Variants in SOX5 observed in about 807,000 individuals in gnomAD.
SOX5 encodes transcription factor SOX-5.
Under a neutral mutation model 92.0 loss-of-function variants are expected in SOX5, and 9 were observed. The ratio of observed to expected loss-of-function variants is 0.10; its 90% confidence interval spans 0.06 to 0.17. SOX5 has a LOEUF of 0.17. Among genes scored for constraint, SOX5 ranks in the 10% least tolerant of loss-of-function variants. The pLI is 1.00. For missense variants in SOX5, 642 were observed against 944.5 expected (o/e 0.68, Z 4.20); for synonymous variants, 344 against 336.3 (o/e 1.02, Z -0.25).
intron 1 of SOX5, among the ~76,000 whole-genome samples, chr12:24,507,925 T>C (rs911508127): frequency 6.6e-6 from 1 of 152,144 alleles, no homozygotes; most frequent in Non-Finnish European, 1.5e-5. Flanking sequence ...TACCAAGTTA[T>C]ACAGGAGAGC....
At chr12:23,959,335 G>A (rs1946633575) in intron 4 of SOX5, among the ~76,000 whole-genome samples, 1 of 151,822 alleles carries the variant, frequency 6.6e-6, no homozygotes, top group African/African-American at 2.4e-5. Context: ...AGAATATAGA[G>A]AAAAAACCTA....
At chr12:23,674,636 C>A (rs1346597901) in intron 6 of SOX5, among the ~76,000 whole-genome samples, 1 of 151,658 alleles carries the variant, frequency 6.6e-6, no homozygotes, top group African/African-American at 2.4e-5. Context: ...CCGCACCCAG[C>A]CAAAAAGGAA....
chr12:24,037,185 C>T (rs527781813), intron 4 of SOX5, among the ~76,000 whole-genome samples: 2 of 152,204 alleles, frequency 1.3e-5, no homozygotes, highest in Admixed American at 1.3e-4. Context: ...CTCTCCCTGA[C>T]CTTTGCAAGC....
intron 7 of SOX5, among the ~76,000 whole-genome samples, chr12:23,654,271 C>A (rs779335019): frequency 1.8e-4 from 27 of 151,932 alleles, no homozygotes; most frequent in Non-Finnish European, 3.5e-4. Flanking sequence ...AACAATAATT[C>A]TTTTATAATA....
chr12:23,718,966 A>C (rs919967723), intron 6 of SOX5, among the ~76,000 whole-genome samples: 1 of 152,184 alleles, frequency 6.6e-6, no homozygotes, highest in Non-Finnish European at 1.5e-5. Flanking sequence ...ATGGGGGAAG[A>C]CATTATACCT....
chr12:24,354,608 G>C (rs1315164458), intron 2 of SOX5, among the ~76,000 whole-genome samples: 1 of 152,190 alleles, frequency 6.6e-6, no homozygotes, highest in East Asian at 1.9e-4. Flanking sequence ...GACTGGCCCA[G>C]GATGAATGGT....
chr12:23,875,657 TA>T (rs902903241), intron 2 of SOX5, among the ~76,000 whole-genome samples: 1 of 152,160 alleles, frequency 6.6e-6, no homozygotes, highest in African/African-American at 2.4e-5. Flanking sequence ...AAGTCTGAAT[TA>T]CCACTGACTT....
intron 4 of SOX5, among the ~76,000 whole-genome samples, chr12:24,053,938 C>G (rs145878629): frequency 6.6e-6 from 1 of 152,156 alleles, no homozygotes; most frequent in Non-Finnish European, 1.5e-5. Context: ...AAGTGACTTG[C>G]GCAAAGCCTT....
At chr12:24,537,500 G>C (rs778325109) in intron 1 of SOX5, among the ~76,000 whole-genome samples, 1 of 152,122 alleles carries the variant, frequency 6.6e-6, no homozygotes, top group African/African-American at 2.4e-5. Context: ...GTTGAATCCC[G>C]TCAACTGCAG....
chr12:24,223,876 A>G (rs1451992371), intron 3 of SOX5, among the ~76,000 whole-genome samples: 1 of 152,228 alleles, frequency 6.6e-6, no homozygotes, highest in Non-Finnish European at 1.5e-5. Flanking sequence ...GACTCGACCT[A>G]TTGTTAGAGA....
chr12:24,084,677 C>A (rs1321754805), intron 4 of SOX5, among the ~76,000 whole-genome samples: 3 of 152,002 alleles, frequency 2.0e-5, no homozygotes, highest in Non-Finnish European at 4.4e-5. Context: ...CAGCTGTCAG[C>A]ATTAGTTTCA....
At chr12:24,409,726 C>A (rs961471931) in intron 1 of SOX5, among the ~76,000 whole-genome samples, 1 of 152,106 alleles carries the variant, frequency 6.6e-6, no homozygotes, top group Admixed American at 6.5e-5. Context: ...TTTATTTTAG[C>A]CTTTCTGCAC....
intron 1 of SOX5, among the ~76,000 whole-genome samples, chr12:23,899,228 C>T (rs2097207545): frequency 6.6e-6 from 1 of 151,776 alleles, no homozygotes; most frequent in East Asian, 1.9e-4. Context: ...ATGGAGAAAC[C>T]CCATCTCTAC....
At chr12:24,431,709 G>A (rs560214953) in intron 1 of SOX5, among the ~76,000 whole-genome samples, 1 of 152,232 alleles carries the variant, frequency 6.6e-6, no homozygotes, top group South Asian at 2.1e-4. Context: ...CATTTCTTAT[G>A]CAAATTCTAC....
rs142573556 is a variant in SOX5, at chr12:23,836,920, C to T, written c.481+9063G>A. On this transcript the variant is annotated intron_variant, in intron 3 of 14. Transcript: ENST00000451604. Reference sequence around the variant, plus strand: ...TCATGATGTTGTTCCCATTACAGAGCTATGAAAATATTTTGTAGTTTTTAG... The same window carrying T: ...TCATGATGTTGTTCCCATTACAGAGTTATGAAAATATTTTGTAGTTTTTAG... Among the ~76,000 whole-genome samples the T allele has an allele frequency of 7.6e-3, 1,151 of 151,774 alleles. 26 individuals carry two copies. Among genetic ancestry groups the T allele is most frequent in the Admixed American group, 0.04 (610 of 15,138 alleles).
At chr12:24,444,626 A>G (rs533021084) in intron 1 of SOX5, among the ~76,000 whole-genome samples, 1 of 152,180 alleles carries the variant, frequency 6.6e-6, no homozygotes, top group East Asian at 1.9e-4. Context: ...AGCAGTGCTC[A>G]CAGCTTGGCC....
intron 6 of SOX5, among the ~76,000 whole-genome samples, chr12:23,698,153 C>T (rs1469839183): frequency 6.6e-6 from 1 of 152,038 alleles, no homozygotes; most frequent in Non-Finnish European, 1.5e-5. Context: ...AATTTACTTT[C>T]TCTGTATAGA....
At chr12:23,651,997 TA>T (rs575826482) in intron 7 of SOX5, among the ~76,000 whole-genome samples, 12 of 151,618 alleles carry the variant, frequency 7.9e-5, no homozygotes, top group Admixed American at 3.3e-4. Context: ...CCTCCTATCC[TA>T]AAAAAAATGA....
intron 14 of SOX5, among the ~76,000 whole-genome samples, chr12:23,535,348 C>A (rs757675935): frequency 1.3e-5 from 2 of 152,174 alleles, no homozygotes; most frequent in African/African-American, 4.8e-5. Context: ...GTTCTGGCCT[C>A]GTAGTGGTAG....
Sources: allele counts gnomAD v4.1 joint callset (sites outside exome capture counted in the v4.1 genomes callset), GRCh38; gene constraint gnomAD v4.1.1; transcripts MANE v1.5; gene names NCBI Gene and HGNC (gene_info 2026-07-23, HGNC 2026-07-21).